The following LYPLAL1 variants were observed in gnomAD, a reference collection of about 807,000 sequenced individuals.
LYPLAL1 encodes lysophospholipase like 1.
LYPLAL1 carries 23 observed loss-of-function variants against 19.7 expected under a neutral mutation model. The observed-to-expected ratio is 1.17, with a 90% CI of 0.84 to 1.65. The LOEUF (loss-of-function observed/expected upper bound fraction) is 1.65. Ranked by LOEUF, LYPLAL1 falls within the 40% of genes most tolerant of loss-of-function variation. LYPLAL1 has a pLI of 0.00. For synonymous variants in LYPLAL1, 119 were observed against 96.3 expected, an observed-to-expected ratio of 1.24 and a Z score of -1.38; for missense variants, 355 against 279.4, an observed-to-expected ratio of 1.27 and a Z score of -1.93.
At chr1:219,289,073 G>A in the LYPLAL1 span, among the ~76,000 whole-genome samples, 6 of 77,724 alleles carry the variant, frequency 7.7e-5, no homozygotes, top group Admixed American at 1.6e-4. Context: ...GTTACCTCTT[G>A]TTTTGTTTTT....
chr1:219,253,130 A>G, the LYPLAL1 span, among the ~76,000 whole-genome samples: 28 of 151,914 alleles, frequency 1.8e-4, no homozygotes, highest in African/African-American at 6.5e-4. Context: ...GACAGTAGTA[A>G]CGTTCCCTTT....
the LYPLAL1 span, among the ~76,000 whole-genome samples, chr1:219,354,489 C>T: frequency 6.6e-6 from 1 of 152,184 alleles, no homozygotes; most frequent in African/African-American, 2.4e-5. Flanking sequence ...AGCCACCATG[C>T]CTGGTCAAAA....
At chr1:219,413,795 T>C in the LYPLAL1 span, among the ~76,000 whole-genome samples, 1 of 152,214 alleles carries the variant, frequency 6.6e-6, no homozygotes, top group Non-Finnish European at 1.5e-5. Context: ...ACAGGCCACG[T>C]GCTAGGCACT....
the LYPLAL1 span, among the ~76,000 whole-genome samples, chr1:219,331,612 G>A: frequency 9.2e-5 from 14 of 152,162 alleles, no homozygotes; most frequent in African/African-American, 3.4e-4. Flanking sequence ...GCCAAAGCAA[G>A]AGTCTAAAGT....
chr1:219,286,195 G>T, the LYPLAL1 span, among the ~76,000 whole-genome samples: 1 of 152,252 alleles, frequency 6.6e-6, no homozygotes, highest in East Asian at 1.9e-4. Flanking sequence ...AGTTGCAATA[G>T]GCTGGCTAGT....
chr1:219,319,208 T>G, the LYPLAL1 span, among the ~76,000 whole-genome samples: 1 of 152,204 alleles, frequency 6.6e-6, no homozygotes, highest in Admixed American at 6.5e-5. Flanking sequence ...CAGAGCATGT[T>G]GCTGGGCAGC....
intron 3 of LYPLAL1, among the ~76,000 whole-genome samples, chr1:219,196,163 A>G (rs948934419): frequency 4.6e-5 from 7 of 152,098 alleles, no homozygotes; most frequent in African/African-American, 1.7e-4. Flanking sequence ...TTATAATAGA[A>G]TGATTTATAT....
At chr1:219,266,191 C>T in the LYPLAL1 span, among the ~76,000 whole-genome samples, 1 of 151,906 alleles carries the variant, frequency 6.6e-6, no homozygotes, top group African/African-American at 2.4e-5. Flanking sequence ...TAGTTAAAAA[C>T]AAACACATTT....
the LYPLAL1 span, among the ~76,000 whole-genome samples, chr1:219,264,108 T>A: frequency 7.9e-5 from 12 of 152,322 alleles, no homozygotes; most frequent in South Asian, 1.7e-3. Context: ...TTTTAAAAAA[T>A]CACTGCTATA....
chr1:219,192,125 G>A (rs1020734600), intron 2 of LYPLAL1, among the ~76,000 whole-genome samples: 2 of 151,594 alleles, frequency 1.3e-5, no homozygotes, highest in African/African-American at 4.8e-5. Context: ...GCATCCCAAG[G>A]CCAATGACAA....
chr1:219,423,079 G>A, the LYPLAL1 span, among the ~76,000 whole-genome samples: 13 of 152,050 alleles, frequency 8.5e-5, no homozygotes, highest in Non-Finnish European at 1.5e-4. Context: ...TTCCCACCTT[G>A]ATGTTTTTGC....
chr1:219,238,044 A>G, the LYPLAL1 span, among the ~76,000 whole-genome samples: 83 of 151,234 alleles, frequency 5.5e-4, no homozygotes, highest in Non-Finnish European at 8.0e-4. Flanking sequence ...ATCACTGAAT[A>G]TGTCTCAGCC....
chr1:219,274,619 C>T, the LYPLAL1 span, among the ~76,000 whole-genome samples: 38 of 152,178 alleles, frequency 2.5e-4, no homozygotes, highest in East Asian at 3.1e-3. Context: ...CTCCTGACCT[C>T]GTGATCCACA....
chr1:219,261,859 G>A, the LYPLAL1 span, among the ~76,000 whole-genome samples: 38 of 152,294 alleles, frequency 2.5e-4, no homozygotes, highest in African/African-American at 8.7e-4. Context: ...TTTCCCAGGT[G>A]TTCTTTGAGC....
intron 2 of LYPLAL1, among the ~76,000 whole-genome samples, chr1:219,179,862 T>G (rs1428819239): frequency 3.3e-5 from 5 of 152,224 alleles, no homozygotes; most frequent in African/African-American, 7.2e-5. Flanking sequence ...ATCTGCATAG[T>G]CTTTTATTCG....
chr1:219,283,342 A>G, the LYPLAL1 span, among the ~76,000 whole-genome samples: 1 of 152,204 alleles, frequency 6.6e-6, no homozygotes. Context: ...GCAAAGAAAC[A>G]AATCTTCATC....
the LYPLAL1 span, among the ~76,000 whole-genome samples, chr1:219,296,746 C>A: frequency 3.9e-5 from 6 of 152,138 alleles, no homozygotes; most frequent in Non-Finnish European, 7.4e-5. Context: ...TTAATATTTA[C>A]TAAGAAATCA....
Position 219,194,767 on chromosome 1 carries a change from G to A in LYPLAL1, c.361+1516G>A, listed in dbSNP as rs1295215366. ...GAAGTAGTCACATGCATTTGGGGCT[G>A]TAAGAGAAAGATTTAATAGAAAGAT... is the stretch of plus-strand genomic sequence containing the variant. On this transcript the variant is annotated intron_variant, in intron 3 of 4. Coordinates refer to ENST00000366928, the MANE Select transcript of LYPLAL1 (RefSeq NM_138794.5). Among the ~76,000 whole-genome samples the A allele has an allele frequency of 2.0e-5, 3 of 152,088 alleles. No homozygotes were observed. In the East Asian group the frequency reaches 5.8e-4, roughly 29 times the overall value.
the LYPLAL1 span, among the ~76,000 whole-genome samples, chr1:219,362,671 C>T: frequency 2.0e-5 from 3 of 152,014 alleles, no homozygotes; most frequent in South Asian, 2.1e-4. Context: ...CAAATGAAAG[C>T]GGAGTATAGG....
Sources: gnomAD v4.1 joint callset for allele counts (sites outside exome capture counted in the v4.1 genomes callset) on GRCh38, gnomAD v4.1.1 for gene constraint, MANE v1.5 for transcripts, NCBI Gene and HGNC (gene_info 2026-07-23, HGNC 2026-07-21) for gene names.